ANO3: variants seen among roughly 807,000 people sequenced by gnomAD.
The protein encoded by ANO3 is anoctamin-3.
ANO3 carries 99 observed loss-of-function variants against 144.8 expected under a neutral mutation model. The observed-to-expected ratio is 0.68, with a 90% CI of 0.58 to 0.81. The LOEUF is 0.81. Ranked by LOEUF, ANO3 falls within the 30% of genes least tolerant of loss-of-function variation. ANO3 has a pLI of 0.00. For missense variants in ANO3, 905 were observed against 1,202.2 expected, an observed-to-expected ratio of 0.75 and a Z score of 3.66; for synonymous variants, 414 against 392.6, an observed-to-expected ratio of 1.05 and a Z score of -0.64.
chr11:26,627,851 G>GTGTGTT (rs1262388792), intron 18 of ANO3, among the ~76,000 whole-genome samples: 3 of 144,422 alleles, frequency 2.1e-5, no homozygotes, highest in Non-Finnish European at 4.5e-5. Context: ...GTGTGTGTGT[G>GTGTGTT]TGTGCGCCTG....
intron 1 of ANO3, among the ~76,000 whole-genome samples, chr11:26,269,069 G>A (rs1853379850): frequency 6.6e-6 from 1 of 152,164 alleles, no homozygotes; most frequent in African/African-American, 2.4e-5. Flanking sequence ...GGCCCAACCA[G>A]AGGCAATTGC....
chr11:26,212,148 G>A (rs555676699), intron 1 of ANO3, among the ~76,000 whole-genome samples: 1 of 152,038 alleles, frequency 6.6e-6, no homozygotes, highest in East Asian at 1.9e-4. Flanking sequence ...AATGGCACGT[G>A]TATACCTATG....
At chr11:26,572,917 T>C (rs1346109877) in intron 14 of ANO3, among the ~76,000 whole-genome samples, 1 of 152,146 alleles carries the variant, frequency 6.6e-6, no homozygotes, top group Non-Finnish European at 1.5e-5. Context: ...TTACTCTCAC[T>C]TTAGAAGCTG....
intron 5 of ANO3, among the ~76,000 whole-genome samples, chr11:26,512,451 A>G (rs970638105): frequency 5.3e-5 from 8 of 152,212 alleles, no homozygotes; most frequent in African/African-American, 1.9e-4. Context: ...TCTCCCTGAC[A>G]GCATCATCCC....
chr11:26,379,882 G>A (rs1345165126), intron 1 of ANO3, among the ~76,000 whole-genome samples: 1 of 152,174 alleles, frequency 6.6e-6, no homozygotes, highest in Non-Finnish European at 1.5e-5. Flanking sequence ...AGAGTGAGGG[G>A]AGAAAAGGAG....
rs529537708 is a variant in ANO3, at chr11:26,449,134, G to A, written c.313+5298G>A. Reference sequence around the variant, plus strand: ...TCCTGATGCTTCCCTTTTCTCACGAGCTGCAGACAGCTCAACCATCTTGTG... The same window carrying A: ...TCCTGATGCTTCCCTTTTCTCACGAACTGCAGACAGCTCAACCATCTTGTG... On this transcript the variant is annotated intron_variant, in intron 3 of 26. Coordinates refer to ENST00000256737, the MANE Select transcript of ANO3 (RefSeq NM_031418.4). 2.0e-5 allele frequency among the ~76,000 whole-genome samples: 3 copies of A among 152,218 alleles called. No homozygotes were observed. In the South Asian group the frequency reaches 6.2e-4, roughly 32 times the overall value.
intron 25 of ANO3, 21 bp from the exon 26 acceptor site, chr11:26,656,355 C>G (rs760052741): frequency 7.1e-6 from 11 of 1,548,816 alleles, no homozygotes; most frequent in Non-Finnish European, 8.9e-6. Context: ...TTGTCATTCT[C>G]TTTGTTTTTG....
intron 5 of ANO3, among the ~76,000 whole-genome samples, chr11:26,515,796 G>C (rs1301233152): frequency 6.6e-6 from 1 of 151,894 alleles, no homozygotes; most frequent in Non-Finnish European, 1.5e-5. Context: ...TGCATCTAAA[G>C]GGAAGCAAAC....
At chr11:26,532,154 A>G (rs1372576024) in intron 8 of ANO3, among the ~76,000 whole-genome samples, 4 of 152,212 alleles carry the variant, frequency 2.6e-5, no homozygotes, top group Non-Finnish European at 5.9e-5. Context: ...CCAAACATGT[A>G]ACATAGCCAT....
At chr11:26,445,392 T>A (rs1858666551) in intron 3 of ANO3, among the ~76,000 whole-genome samples, 1 of 152,202 alleles carries the variant, frequency 6.6e-6, no homozygotes, top group Admixed American at 6.5e-5. Context: ...TAAAAAACCT[T>A]CCATTTAATT....
At chr11:26,292,416 C>T (rs1046741476) in intron 1 of ANO3, among the ~76,000 whole-genome samples, 4 of 152,154 alleles carry the variant, frequency 2.6e-5, no homozygotes, top group African/African-American at 7.2e-5. Flanking sequence ...CTTCTGTCAA[C>T]TCATCAAAGT....
At chr11:26,525,727 A>T in intron 7 of ANO3, 48 bp downstream of exon 7, 2 of 1,444,986 alleles carry the variant, frequency 1.4e-6, no homozygotes, top group Admixed American at 1.9e-5. Context: ...GTCGTTTTGA[A>T]AAAAATAAGA....
intron 1 of ANO3, among the ~76,000 whole-genome samples, chr11:26,297,209 G>C (rs1451625694): frequency 6.6e-6 from 1 of 151,874 alleles, no homozygotes; most frequent in Non-Finnish European, 1.5e-5. Context: ...GTGTGTGTGT[G>C]TGAATTTCTT....
At chr11:26,243,454 C>A (rs1392666594) in intron 1 of ANO3, among the ~76,000 whole-genome samples, 2 of 147,282 alleles carry the variant, frequency 1.4e-5, no homozygotes, top group Non-Finnish European at 3.0e-5. Context: ...CAAAAGAGAG[C>A]TGCAATAAAG....
chr11:26,628,285 C>T (rs1423325540), intron 18 of ANO3, among the ~76,000 whole-genome samples: 3 of 152,088 alleles, frequency 2.0e-5, no homozygotes, highest in African/African-American at 4.8e-5. Flanking sequence ...GTGTTAAAAT[C>T]GTAACACAAA....
intron 1 of ANO3, among the ~76,000 whole-genome samples, chr11:26,282,069 A>G (rs72874972): frequency 6.6e-6 from 1 of 152,278 alleles, no homozygotes; most frequent in Non-Finnish European, 1.5e-5. Context: ...TTGGGGTTAC[A>G]TTATTTGGGT....
intron 1 of ANO3, among the ~76,000 whole-genome samples, chr11:26,408,964 G>T (rs1409618236): frequency 1.3e-5 from 2 of 151,542 alleles, no homozygotes; most frequent in African/African-American, 4.8e-5. Flanking sequence ...ATCACACTCC[G>T]GGGACTGTTG....
At chr11:26,384,613 G>A (rs1212327851) in intron 1 of ANO3, among the ~76,000 whole-genome samples, 1 of 152,032 alleles carries the variant, frequency 6.6e-6, no homozygotes, top group East Asian at 1.9e-4. Flanking sequence ...TCATCACCTA[G>A]TCCTTTTAGT....
intron 1 of ANO3, among the ~76,000 whole-genome samples, chr11:26,237,362 T>G (rs1288572773): frequency 2.0e-5 from 3 of 152,084 alleles, no homozygotes; most frequent in Admixed American, 6.5e-5. Context: ...TTTCTATTTT[T>G]AAAAGTTTTG....
Sources: allele counts gnomAD v4.1 joint callset (sites outside exome capture counted in the v4.1 genomes callset), GRCh38; gene constraint gnomAD v4.1.1; transcripts MANE v1.5; gene names NCBI Gene and HGNC (gene_info 2026-07-23, HGNC 2026-07-21).